PHF24: variants seen among roughly 807,000 people sequenced by gnomAD.
PHF24 encodes the protein Galpha inhibitory interacting protein.
PHF24 carries 25 observed loss-of-function variants against 42.6 expected under a neutral mutation model. The ratio of observed to expected loss-of-function variants is 0.59; its 90% CI spans 0.43 to 0.82. PHF24 has a LOEUF of 0.82. PHF24 is among the 40% of genes least tolerant of loss of function. The pLI is 0.00. For missense variants in PHF24, 470 were observed against 538.1 expected, an observed-to-expected ratio of 0.87 and a Z score of 1.25; for synonymous variants, 185 against 204.8, an observed-to-expected ratio of 0.90 and a Z score of 0.83.
At chr9:34,735,836 C>T in the PHF24 span, among the ~76,000 whole-genome samples, 1 of 151,620 alleles carries the variant, frequency 6.6e-6, no homozygotes, top group South Asian at 2.1e-4. Context: ...TTAACATAAC[C>T]AGACTTAGAT....
the PHF24 span, among the ~76,000 whole-genome samples, chr9:34,871,411 T>C: frequency 6.6e-6 from 1 of 152,202 alleles, no homozygotes; most frequent in African/African-American, 2.4e-5. Context: ...CTTTTGACAT[T>C]GTCTTTCAGA....
the PHF24 span, among the ~76,000 whole-genome samples, chr9:34,682,333 A>C: frequency 6.6e-6 from 1 of 151,866 alleles, no homozygotes; most frequent in Non-Finnish European, 1.5e-5. Flanking sequence ...TGAGAAAATA[A>C]ATTTCTGTTG....
the PHF24 span, among the ~76,000 whole-genome samples, chr9:34,936,538 G>C: frequency 6.7e-6 from 1 of 148,272 alleles, no homozygotes; most frequent in African/African-American, 2.5e-5. Flanking sequence ...CCATCGTCTG[G>C]GATGTGAGGA....
the PHF24 span, among the ~76,000 whole-genome samples, chr9:34,682,444 G>A: frequency 6.6e-6 from 1 of 152,092 alleles, no homozygotes; most frequent in Admixed American, 6.5e-5. Flanking sequence ...TTTCGGGGGG[G>A]TGAATTTTTT....
chr9:34,823,332 G>A, the PHF24 span, among the ~76,000 whole-genome samples: 11 of 152,118 alleles, frequency 7.2e-5, no homozygotes, highest in Non-Finnish European at 1.3e-4. Flanking sequence ...GGAAGAGGAA[G>A]GGGCTGTGCT....
At chr9:34,739,343 T>C in the PHF24 span, among the ~76,000 whole-genome samples, 3 of 152,228 alleles carry the variant, frequency 2.0e-5, no homozygotes, top group Non-Finnish European at 4.4e-5. Flanking sequence ...GAGTGCCATT[T>C]AGGGGTACTT....
exon 8 of PHF24, chr9:34,978,871 C>CA (rs1479271915): frequency 6.6e-6 from 1 of 152,186 alleles, no homozygotes; most frequent in African/African-American, 2.4e-5. Context: ...TCAGTCAGGT[C>CA]ACCTGAGTCC....
the PHF24 span, among the ~76,000 whole-genome samples, chr9:34,810,218 G>A: frequency 1.3e-5 from 2 of 152,108 alleles, no homozygotes; most frequent in African/African-American, 4.8e-5. Context: ...GTTTGTGGCC[G>A]TGGACAGTAC....
At chr9:34,953,428 G>A (rs368825869), upstream of PHF24, among the ~76,000 whole-genome samples, 2 of 152,140 alleles carry the variant, frequency 1.3e-5, no homozygotes, top group Admixed American at 6.6e-5. The surrounding 1 kb of genome is among the most constrained non-coding windows in gnomAD (Gnocchi z 4.1). Context: ...GTGAGTCACC[G>A]CATCCAGCCT....
chr9:34,887,722 T>C, the PHF24 span, among the ~76,000 whole-genome samples: 9 of 152,160 alleles, frequency 5.9e-5, no homozygotes, highest in Admixed American at 5.2e-4. Flanking sequence ...ATTACCCTGA[T>C]TTTTTTGCAT....
the PHF24 span, among the ~76,000 whole-genome samples, chr9:34,676,644 A>T: frequency 2.6e-5 from 4 of 152,202 alleles, no homozygotes; most frequent in South Asian, 6.2e-4. Flanking sequence ...GTTATAAAGA[A>T]ATACCTGAAA....
chr9:34,700,739 G>A, the PHF24 span, among the ~76,000 whole-genome samples: 4 of 152,168 alleles, frequency 2.6e-5, no homozygotes, highest in Admixed American at 2.0e-4. Flanking sequence ...AAGAGAGTGA[G>A]TGTAGATAGA....
chr9:34,925,136 AC>A, the PHF24 span, among the ~76,000 whole-genome samples: 1 of 152,116 alleles, frequency 6.6e-6, no homozygotes, highest in Non-Finnish European at 1.5e-5. Context: ...AATATTCTTG[AC>A]TAGCAGGATT....
At chr9:34,835,552 G>C in the PHF24 span, 5 of 1,551,718 alleles carry the variant, frequency 3.2e-6, no homozygotes, top group Non-Finnish European at 4.4e-6. Flanking sequence ...AGTGATGCTG[G>C]CCTTGGTTTC....
chr9:34,852,890 G>C, the PHF24 span, among the ~76,000 whole-genome samples: 1 of 152,126 alleles, frequency 6.6e-6, no homozygotes, highest in Non-Finnish European at 1.5e-5. Context: ...TGGAATTACA[G>C]GTGTGCCCCA....
chr9:34,853,003 A>G, the PHF24 span, among the ~76,000 whole-genome samples: 1 of 152,170 alleles, frequency 6.6e-6, no homozygotes, highest in Admixed American at 6.5e-5. Context: ...TACCTGTGAT[A>G]TCTGAATGGT....
chr9:34,723,282 G>T, the PHF24 span: 2 of 1,551,782 alleles, frequency 1.3e-6, no homozygotes, highest in African/African-American at 1.4e-5. Flanking sequence ...GGACAGTGAC[G>T]AGGGCAGTGG....
chr9:34,830,932 T>C, the PHF24 span, among the ~76,000 whole-genome samples: 2 of 152,208 alleles, frequency 1.3e-5, no homozygotes, highest in Non-Finnish European at 2.9e-5. Flanking sequence ...ATAATAACTA[T>C]GTATTTCCCT....
At chr9:34,748,168 C>T in the PHF24 span, among the ~76,000 whole-genome samples, 1 of 152,246 alleles carries the variant, frequency 6.6e-6, no homozygotes, top group African/African-American at 2.4e-5. Context: ...CATTATATTT[C>T]TCAAATATCA....
Sources: allele counts gnomAD v4.1 joint callset (sites outside exome capture counted in the v4.1 genomes callset), GRCh38; gene constraint gnomAD v4.1.1; non-coding constraint Gnocchi (gnomAD v3.1); transcripts MANE v1.5; gene names NCBI Gene and HGNC (gene_info 2026-07-23, HGNC 2026-07-21).